ST6GALNAC1: variants seen among roughly 807,000 people sequenced by gnomAD.
The protein encoded by ST6GALNAC1 is alpha-N-acetylgalactosaminide alpha-2,6-sialyltransferase 1.
Under a neutral mutation model 56.8 loss-of-function variants are expected in ST6GALNAC1, and 45 were observed. The ratio of observed to expected loss-of-function variants is 0.79; its 90% CI spans 0.62 to 1.02. ST6GALNAC1 has a LOEUF of 1.02. Among genes scored for constraint, ST6GALNAC1 ranks in the 50% least tolerant of loss-of-function variants. The pLI is 0.00. For missense variants in ST6GALNAC1, 743 were observed against 754.8 expected, an observed-to-expected ratio of 0.98 and a Z score of 0.18; for synonymous variants, 295 against 297.8, an observed-to-expected ratio of 0.99 and a Z score of 0.10.
rs544094775 is a variant in ST6GALNAC1, at chr17:76,627,646, C to T, written c.832-63G>A. 2 of 1,520,010 alleles carry T rather than the reference C, an allele frequency of 1.3e-6. No homozygotes were observed. Among genetic ancestry groups the T allele is most frequent in the South Asian group, 2.4e-5 (2 of 84,684 alleles). The allele number at this position is 1,520,010 out of a possible 1,614,324, so 94.2% of individuals were successfully genotyped here. The stretch of plus-strand genomic sequence containing the variant: ...CAGAAAGGCCATCGGCCAGGGGCTG[C>T]ACCACTGCAGCAAGGGCTGGGGCTC... On this transcript the variant is annotated intron_variant, in intron 2 of 8. Transcript: ENST00000156626. The surrounding 1 kb of genome is among the most constrained non-coding windows in gnomAD (Gnocchi z 4.4).
Position 76,629,463 on chromosome 17 carries a change from G to T in ST6GALNAC1, c.380C>A (p.Pro127Gln), listed in dbSNP as rs1203929087. The T allele has an allele frequency of 1.2e-6, 2 of 1,613,812 alleles. No individual in the cohort carries two copies. Among genetic ancestry groups the T allele is most frequent in the African/African-American group, 2.7e-5 (2 of 74,826 alleles). The change falls in exon 2 of 9, where the codon CCA becomes CAA. Residue 127 changes from proline (P) to glutamine (Q), a missense_variant. Transcript: ENST00000156626. The part of the protein sequence containing the change: ...HTAQRAAWKS[P>Q]EKEKTMVNTL... ...GTTCACCATGGTTTTCTCTTTTTCT[G>T]GGCTCTTCCATGCTGCCCTCTGTGC...
downstream of ST6GALNAC1, among the ~76,000 whole-genome samples, chr17:76,622,637 A>G (rs2143399897): frequency 6.6e-6 from 1 of 152,316 alleles, no homozygotes; most frequent in Non-Finnish European, 1.5e-5. Flanking sequence ...TGCTGGGATT[A>G]TAGGCGTGAG....
At chr17:76,640,780 T>C (rs2076039176) in intron 1 of ST6GALNAC1, among the ~76,000 whole-genome samples, 1 of 152,234 alleles carries the variant, frequency 6.6e-6, no homozygotes, top group Non-Finnish European at 1.5e-5. Context: ...ACACATGTTA[T>C]TGATGTAACA....
At chr17:76,636,902 G>A (rs1468430430) in intron 1 of ST6GALNAC1, among the ~76,000 whole-genome samples, 1 of 152,166 alleles carries the variant, frequency 6.6e-6, no homozygotes, top group African/African-American at 2.4e-5. Context: ...AGACATAGGA[G>A]ACTCCATTTT....
chr17:76,624,001 T>C (rs1250104696), downstream of ST6GALNAC1, among the ~76,000 whole-genome samples: 2 of 152,222 alleles, frequency 1.3e-5, no homozygotes, highest in Non-Finnish European at 1.5e-5. Flanking sequence ...TTATTGCTTT[T>C]TATTGCTGAA....
At chr17:76,623,054 C>T (rs554937779), downstream of ST6GALNAC1, among the ~76,000 whole-genome samples, 2 of 152,294 alleles carry the variant, frequency 1.3e-5, no homozygotes, top group East Asian at 3.9e-4. Flanking sequence ...CGGCCTCTGT[C>T]ATTTCATTTT....
rs373888934 is a variant in ST6GALNAC1, at chr17:76,629,231, C to T, written c.612G>A (p.Leu204=). 6.6e-5 allele frequency: 107 copies of T among 1,613,988 alleles called. No homozygotes were observed. Among genetic ancestry groups the T allele is most frequent in the Non-Finnish European group, 8.9e-5 (105 of 1,180,040 alleles). The change falls in exon 2 of 9, where the codon CTG becomes CTA. Residue 204 remains leucine, a synonymous_variant. Coordinates refer to ENST00000156626, the MANE Select transcript of ST6GALNAC1 (RefSeq NM_018414.5). The part of the protein sequence containing the change: ...TLIPKSQHRM[L]APTGAVSTRT... ...TTGTTGACACTGCTCCTGTGGGAGC[C>T]AGCATTCTGTGCTGACTTTTGGGAA...
At chr17:76,638,995 A>T (rs1356713997) in intron 1 of ST6GALNAC1, among the ~76,000 whole-genome samples, 1 of 152,146 alleles carries the variant, frequency 6.6e-6, no homozygotes, top group African/African-American at 2.4e-5. Flanking sequence ...GTCCTCGCTC[A>T]CGGTCTCATT....
chr17:76,632,132 G>A (rs1345795879), intron 1 of ST6GALNAC1, among the ~76,000 whole-genome samples: 13 of 152,066 alleles, frequency 8.5e-5, no homozygotes, highest in African/African-American at 3.1e-4. Flanking sequence ...ACCCAGCAAA[G>A]CCTCTTGGTG....
chr17:76,622,485 T>C (rs1290956535), downstream of ST6GALNAC1, among the ~76,000 whole-genome samples: 3 of 151,132 alleles, frequency 2.0e-5, no homozygotes, highest in Non-Finnish European at 4.4e-5. Flanking sequence ...CTGCCTCAGC[T>C]TCCTGAGTAG....
At position 76,624,800 on chromosome 17, in the gene ST6GALNAC1, C is replaced by T. The variant is rs1455668471; in HGVS notation, c.*530G>A. On this transcript the variant is annotated 3_prime_UTR_variant, in exon 9 of 9. Coordinates refer to ENST00000156626, the MANE Select transcript of ST6GALNAC1 (RefSeq NM_018414.5). ...AATTTATTTGCCTTTCCATGGACAA[C>T]AATCATTTGTATTATTATCAGTTTT... is the stretch of plus-strand genomic sequence containing the variant. The T allele has an allele frequency of 6.5e-6, 1 of 153,432 alleles. No homozygotes were observed. The highest frequency in any genetic ancestry group is 2.4e-5 in the African/African-American group (1 of 41,440). 9.5% of individuals were successfully genotyped at this position (153,432 alleles called of 1,614,324 possible).
downstream of ST6GALNAC1, among the ~76,000 whole-genome samples, chr17:76,621,668 G>A (rs1335942553): frequency 6.6e-6 from 1 of 151,944 alleles, no homozygotes; most frequent in Non-Finnish European, 1.5e-5. Flanking sequence ...TAGAGGTGGG[G>A]TTTCATCATT....
At chr17:76,636,856 A>G (rs2143474197) in intron 1 of ST6GALNAC1, among the ~76,000 whole-genome samples, 1 of 152,284 alleles carries the variant, frequency 6.6e-6, no homozygotes, top group African/African-American at 2.4e-5. Flanking sequence ...AAAGAAAGAG[A>G]GATCAGATTG....
chr17:76,640,785 G>A (rs1442888786), intron 1 of ST6GALNAC1, among the ~76,000 whole-genome samples: 1 of 152,182 alleles, frequency 6.6e-6, no homozygotes, highest in Non-Finnish European at 1.5e-5. Context: ...TGTTATTGAT[G>A]TAACAATTAC....
intron 1 of ST6GALNAC1, among the ~76,000 whole-genome samples, chr17:76,631,063 C>T (rs1185641333): frequency 1.3e-5 from 1 of 74,398 alleles, no homozygotes; most frequent in Non-Finnish European, 2.8e-5. Context: ...CCCAGCTAAT[C>T]TCTGTGTGTG....
At position 76,629,224 on chromosome 17, in the gene ST6GALNAC1, T is replaced by G. The variant is rs146032525; in HGVS notation, c.619A>C (p.Thr207Pro). 9.7e-4 allele frequency: 1,561 copies of G among 1,614,156 alleles called. 9 individuals carry two copies. In the African/African-American group the frequency reaches 0.017, roughly 18 times the overall value. The stretch of plus-strand genomic sequence containing the variant: ...CTCGTCCTTGTTGACACTGCTCCTG[T>G]GGGAGCCAGCATTCTGTGCTGACTT... ...PKSQHRMLAPTGAVSTRTRQK... is the reference protein window; with the variant it reads ...PKSQHRMLAPPGAVSTRTRQK... Residue 207 changes from threonine to proline, a missense_variant, in exon 2 of 9, where the codon ACA (threonine) becomes CCA (proline). Thr to Pro is a conservative substitution (Grantham distance 38). Coordinates refer to ENST00000156626, the MANE Select transcript of ST6GALNAC1 (RefSeq NM_018414.5).
intron 1 of ST6GALNAC1, chr17:76,637,432 C>T: frequency 3.1e-6 from 1 of 323,658 alleles, no homozygotes; most frequent in East Asian, 4.7e-5. Flanking sequence ...CACTTTCTTC[C>T]TACACCACCC....
chr17:76,640,883 G>C (rs2076040057), intron 1 of ST6GALNAC1, among the ~76,000 whole-genome samples: 1 of 152,072 alleles, frequency 6.6e-6, no homozygotes, highest in South Asian at 2.1e-4. Context: ...GGAATTAAAA[G>C]AAATTAAAGA....
At chr17:76,622,127 C>T (rs929742416), downstream of ST6GALNAC1, among the ~76,000 whole-genome samples, 2 of 150,154 alleles carry the variant, frequency 1.3e-5, no homozygotes, top group Non-Finnish European at 3.0e-5. Flanking sequence ...TCAAACTGAA[C>T]ATTTTTTTCA....
Sources: allele counts gnomAD v4.1 joint callset (sites outside exome capture counted in the v4.1 genomes callset), GRCh38; gene constraint gnomAD v4.1.1; non-coding constraint Gnocchi (gnomAD v3.1); transcripts MANE v1.5; gene names NCBI Gene and HGNC (gene_info 2026-07-23, HGNC 2026-07-21).